DDX10: variants seen among roughly 807,000 people sequenced by gnomAD.
DDX10 encodes probable ATP-dependent RNA helicase DDX10.
In DDX10, 74 loss-of-function variants were observed where a neutral mutation model predicts 104.3. The observed-to-expected ratio is 0.71, with a 90% CI of 0.59 to 0.86. The LOEUF is 0.86. DDX10 is among the 40% of genes least tolerant of loss of function. DDX10 has a pLI of 0.00. For missense variants in DDX10, 952 were observed against 1,040.0 expected (o/e 0.92, Z 1.16); for synonymous variants, 351 against 353.4 (o/e 0.99, Z 0.08).
chr11:108,871,750 G>C (rs958291692), intron 16 of DDX10, among the ~76,000 whole-genome samples: 2 of 152,124 alleles, frequency 1.3e-5, no homozygotes, highest in African/African-American at 4.8e-5. Context: ...CCAACATGGA[G>C]AAACCCCATC....
intron 13 of DDX10, among the ~76,000 whole-genome samples, chr11:108,796,982 A>G (rs1459772907): frequency 1.3e-5 from 2 of 152,064 alleles, no homozygotes; most frequent in Non-Finnish European, 2.9e-5. Flanking sequence ...AGTCTCTGGA[A>G]GTGTGAGGAA....
At chr11:108,726,540 G>T (rs759663419) in intron 13 of DDX10, among the ~76,000 whole-genome samples, 2 of 152,012 alleles carry the variant, frequency 1.3e-5, no homozygotes, top group Non-Finnish European at 2.9e-5. Flanking sequence ...TTTGTAGACT[G>T]ATCATTCTAA....
chr11:108,855,603 G>A (rs561124724), intron 16 of DDX10, among the ~76,000 whole-genome samples: 14 of 152,054 alleles, frequency 9.2e-5, no homozygotes, highest in Admixed American at 2.0e-4. Context: ...GGGACTACAC[G>A]CATGTGCCAC....
chr11:108,906,728 A>G (rs1048868826), intron 16 of DDX10, among the ~76,000 whole-genome samples: 2 of 152,250 alleles, frequency 1.3e-5, no homozygotes, highest in African/African-American at 4.8e-5. Context: ...AAGATGATCA[A>G]TAAGATGCAC....
chr11:108,886,883 C>T (rs554904723), intron 16 of DDX10, among the ~76,000 whole-genome samples: 95 of 152,090 alleles, frequency 6.2e-4, no homozygotes, highest in South Asian at 1.2e-3. Flanking sequence ...TTTCATCAGG[C>T]GAAAATTCAT....
chr11:108,916,541 T>A (rs1392100623), intron 16 of DDX10, among the ~76,000 whole-genome samples: 1 of 152,216 alleles, frequency 6.6e-6, no homozygotes, highest in African/African-American at 2.4e-5. Flanking sequence ...AGCACAGTCA[T>A]TACTATGCTA....
chr11:108,783,881 G>A (rs569190126), intron 13 of DDX10, among the ~76,000 whole-genome samples: 3 of 152,134 alleles, frequency 2.0e-5, no homozygotes, highest in South Asian at 2.1e-4. Flanking sequence ...TGTATTCAAC[G>A]TTTCCATTCC....
At chr11:108,725,088 A>G (rs1487100681) in intron 13 of DDX10, among the ~76,000 whole-genome samples, 2 of 152,178 alleles carry the variant, frequency 1.3e-5, no homozygotes, top group East Asian at 3.9e-4. Flanking sequence ...AAATAGGATA[A>G]TACAGTATTT....
intron 13 of DDX10, among the ~76,000 whole-genome samples, chr11:108,828,684 G>A (rs1306346713): frequency 6.6e-6 from 1 of 152,144 alleles, no homozygotes; most frequent in African/African-American, 2.4e-5. Flanking sequence ...GAGTGCAGTG[G>A]CACAATCCTG....
chr11:108,838,323 C>A, intron 13 of DDX10, 123 bp from the exon 14 acceptor site: 2 of 1,006,718 alleles, frequency 2.0e-6, no homozygotes, highest in Non-Finnish European at 2.8e-6. Flanking sequence ...GTTTTCAATG[C>A]TTCTCATTAG....
At chr11:108,787,446 C>T (rs752229691) in intron 13 of DDX10, among the ~76,000 whole-genome samples, 1 of 148,492 alleles carries the variant, frequency 6.7e-6, no homozygotes, top group Non-Finnish European at 1.5e-5. Flanking sequence ...TTCCAAGTTG[C>T]TTACACTCTC....
At chr11:108,931,069 C>A (rs1008486355) in intron 17 of DDX10, among the ~76,000 whole-genome samples, 4 of 152,196 alleles carry the variant, frequency 2.6e-5, no homozygotes, top group Non-Finnish European at 5.9e-5. Context: ...CTGAGTGTCC[C>A]AGCTCCCCAG....
chr11:108,800,060 C>A (rs904935361), intron 13 of DDX10, among the ~76,000 whole-genome samples: 1 of 152,218 alleles, frequency 6.6e-6, no homozygotes, highest in East Asian at 1.9e-4. Context: ...ACTTCAGCCT[C>A]CCGAGCAGCT....
intron 13 of DDX10, among the ~76,000 whole-genome samples, chr11:108,819,891 C>T (rs780008487): frequency 2.0e-4 from 30 of 152,158 alleles, no homozygotes; most frequent in Non-Finnish European, 3.4e-4. Flanking sequence ...TGAGCCACCG[C>T]GCCCAGCCCC....
chr11:108,680,552 A>C (rs1591789517), intron 6 of DDX10, among the ~76,000 whole-genome samples: 1 of 152,244 alleles, frequency 6.6e-6, no homozygotes, highest in South Asian at 2.1e-4. Context: ...TCATATGACA[A>C]TTAGAAGCAT....
At chr11:108,681,689 T>C (rs2094235493) in intron 6 of DDX10, among the ~76,000 whole-genome samples, 1 of 152,238 alleles carries the variant, frequency 6.6e-6, no homozygotes, top group Non-Finnish European at 1.5e-5. Flanking sequence ...TATGTGGTTA[T>C]ATATAGACAA....
chr11:108,739,628 C>G (rs2094322664), intron 13 of DDX10, among the ~76,000 whole-genome samples: 1 of 152,200 alleles, frequency 6.6e-6, no homozygotes, highest in Admixed American at 6.5e-5. Flanking sequence ...TCTGGTTGTT[C>G]TTTTATCTTT....
intron 16 of DDX10, among the ~76,000 whole-genome samples, chr11:108,911,130 C>T (rs921441865): frequency 3.9e-5 from 6 of 152,094 alleles, no homozygotes; most frequent in Admixed American, 3.9e-4. Context: ...GGTAACGGTT[C>T]TAGAACAGCT....
At chr11:108,867,245 CTA>C (rs1761222116) in intron 16 of DDX10, among the ~76,000 whole-genome samples, 1 of 151,988 alleles carries the variant, frequency 6.6e-6, no homozygotes, top group African/African-American at 2.4e-5. Context: ...GTAGTTTGAG[CTA>C]TATATAGTAA....
Sources: gnomAD v4.1 joint callset for allele counts (sites outside exome capture counted in the v4.1 genomes callset) on GRCh38, gnomAD v4.1.1 for gene constraint, MANE v1.5 for transcripts, NCBI Gene and HGNC (gene_info 2026-07-23, HGNC 2026-07-21) for gene names.